Variants in FXN observed in about 807,000 individuals in gnomAD.
The protein encoded by FXN is frataxin, mitochondrial.
In FXN, 14 loss-of-function variants were observed where a neutral mutation model predicts 22.4. The ratio of observed to expected loss-of-function variants is 0.62; its 90% CI spans 0.41 to 0.98. The LOEUF is 0.98. Among genes scored for constraint, FXN ranks in the 50% least tolerant of loss-of-function variants. FXN has a pLI of 0.00. For synonymous variants in FXN, 120 were observed against 114.1 expected (o/e 1.05, Z -0.33); for missense variants, 267 against 268.4 (o/e 0.99, Z 0.04).
In FXN at chr9:69,078,816, C is replaced by G. The variant is rs1832416879; in HGVS notation, c.*6054C>G. On this transcript the variant is annotated 3_prime_UTR_variant, in exon 5 of 5. Transcript: ENST00000484259. ...CAGCCTTGCAAACTCCTCCTCCACT[C>G]AGCCTCTGCCTGGATGCCCTTGATT... 1 of 985,716 alleles carries G rather than the reference C, an allele frequency of 1.0e-6. No homozygotes were observed. Among genetic ancestry groups the G allele is most frequent in the South Asian group, 4.7e-5 (1 of 21,290 alleles). 61.1% of individuals were successfully genotyped at this position (985,716 alleles called of 1,614,324 possible).
At chr9:69,052,981 ACT>A (rs1425600446) in intron 2 of FXN, among the ~76,000 whole-genome samples, 157 bp from the exon 3 acceptor site, 3 of 144,142 alleles carry the variant, frequency 2.1e-5, no homozygotes, top group Non-Finnish European at 4.5e-5. Flanking sequence ...ACAGAGTGAG[ACT>A]CTGTCTCAAA....
intron 3 of FXN, among the ~76,000 whole-genome samples, chr9:69,064,354 T>A (rs1832129966): frequency 6.6e-6 from 1 of 152,236 alleles, no homozygotes; most frequent in Admixed American, 6.5e-5. Context: ...AGAAGCTTGT[T>A]AGATGCGTGG....
At chr9:69,042,881 C>T (rs1831683366) in intron 1 of FXN, among the ~76,000 whole-genome samples, 1 of 152,172 alleles carries the variant, frequency 6.6e-6, no homozygotes, top group Non-Finnish European at 1.5e-5. Context: ...CCACTGTGCA[C>T]AGACTCTGGG....
chr9:69,040,138 C>T (rs1831630108), intron 1 of FXN, among the ~76,000 whole-genome samples: 1 of 152,138 alleles, frequency 6.6e-6, no homozygotes, highest in Non-Finnish European at 1.5e-5. Context: ...AACATTCAAA[C>T]CATAGCATGC....
intron 1 of FXN, among the ~76,000 whole-genome samples, chr9:69,043,917 C>A (rs977320345): frequency 6.6e-6 from 1 of 152,040 alleles, no homozygotes; most frequent in Non-Finnish European, 1.5e-5. Context: ...GAAATGAGGT[C>A]TCTCTATGTT....
intron 1 of FXN, among the ~76,000 whole-genome samples, chr9:69,042,073 C>T (rs1307374265): frequency 6.6e-6 from 1 of 151,924 alleles, no homozygotes; most frequent in Non-Finnish European, 1.5e-5. Flanking sequence ...ACCTGTCTCT[C>T]CTAAAAACAC....
intron 1 of FXN, among the ~76,000 whole-genome samples, chr9:69,040,036 G>T (rs973318355): frequency 3.3e-5 from 5 of 152,160 alleles, no homozygotes; most frequent in African/African-American, 1.2e-4. Context: ...ATTGAGGGAA[G>T]AACCTTCATG....
At chr9:69,037,978 A>G (rs1179032487) in intron 1 of FXN, among the ~76,000 whole-genome samples, 1 of 152,174 alleles carries the variant, frequency 6.6e-6, no homozygotes, top group Non-Finnish European at 1.5e-5. Flanking sequence ...ATTTAGGAGA[A>G]TGACAAGAGG....
At chr9:69,069,966 C>T (rs1832244372) in intron 4 of FXN, among the ~76,000 whole-genome samples, 2 of 152,206 alleles carry the variant, frequency 1.3e-5, no homozygotes, top group South Asian at 4.1e-4. Flanking sequence ...CGGTAGCTCA[C>T]ACCTGTAATC....
chr9:69,065,072 C>A, intron 4 of FXN, 37 bp downstream of exon 4: 1 of 1,474,712 alleles, frequency 6.8e-7, no homozygotes, highest in Non-Finnish European at 9.5e-7. Flanking sequence ...ATATGTAATT[C>A]TTAAAGACTT....
intron 4 of FXN, among the ~76,000 whole-genome samples, chr9:69,071,416 C>A (rs982568435): frequency 1.3e-5 from 2 of 152,212 alleles, no homozygotes; most frequent in African/African-American, 4.8e-5. Context: ...CTTGAGTGCT[C>A]AGGCAGACTC....
At chr9:69,071,558 A>G (rs1421989468) in intron 4 of FXN, among the ~76,000 whole-genome samples, 1 of 152,198 alleles carries the variant, frequency 6.6e-6, no homozygotes, top group African/African-American at 2.4e-5. Context: ...CATCTGGTAT[A>G]AGAAGACATG....
intron 1 of FXN, among the ~76,000 whole-genome samples, chr9:69,037,284 A>AAAAAGAAGAAGAAGAAGAAGAAGAAG (rs544093183): frequency 3.6e-4 from 28 of 78,046 alleles, no homozygotes; most frequent in Admixed American, 4.4e-4. Flanking sequence ...AAAAAAAAAA[A>AAAAAGAAGAAGAAGAAGAAGAAGAAG]AAGAAGAAGA....
At chr9:69,037,421 G>A (rs932820989) in intron 1 of FXN, among the ~76,000 whole-genome samples, 4 of 151,814 alleles carry the variant, frequency 2.6e-5, no homozygotes, top group Non-Finnish European at 4.4e-5. Flanking sequence ...AGCCAAGATC[G>A]CCCAATGCAC....
At position 69,074,170 on chromosome 9, in the gene FXN, C is replaced by CA. The variant is rs1490176357; in HGVS notation, c.*1412dup. The stretch of plus-strand genomic sequence containing the variant: ...TTGCACTGTAACCTGGGTGACTGAG[C>CA]AAAACTCTGTCTCAAAATAATAATA... On this transcript the variant is annotated 3_prime_UTR_variant, in exon 5 of 5. Transcript: ENST00000484259. The CA allele has an allele frequency of 1.6e-5, 13 of 830,732 alleles. No individual in the cohort carries two copies. The highest frequency in any genetic ancestry group is 1.7e-5 in the Non-Finnish European group (12 of 690,496). The allele number at this position is 830,732 out of a possible 1,614,324, so 51.5% of individuals were successfully genotyped here.
rs993262489 is a variant in FXN at position 69,076,996 on chromosome 9, C to T, written c.*4234C>T. 12 of 752,334 alleles carry T rather than the reference C, an allele frequency of 1.6e-5. No homozygotes were observed. The African/African-American group carries it at 2.1e-4, about 13-fold the overall frequency. The allele number at this position is 752,334 out of a possible 1,614,324, so 46.6% of individuals were successfully genotyped here. ...GTGGCACGATCTGGGCTCACTACAA[C>T]CTCCGCCTCCTGGGTTCAAGCAATT... On this transcript the variant is annotated 3_prime_UTR_variant, in exon 5 of 5. Transcript: ENST00000484259.
chr9:69,039,553 C>T (rs1831618583), intron 1 of FXN, among the ~76,000 whole-genome samples: 1 of 152,134 alleles, frequency 6.6e-6, no homozygotes, highest in African/African-American at 2.4e-5. Flanking sequence ...TCTGATTCCA[C>T]GAGGCAGCCT....
At chr9:69,062,241 A>G (rs1832088201) in intron 3 of FXN, among the ~76,000 whole-genome samples, 1 of 152,142 alleles carries the variant, frequency 6.6e-6, no homozygotes, top group Non-Finnish European at 1.5e-5. Context: ...CCTACCAAGT[A>G]GATGTGACTA....
At chr9:69,047,432 A>G (rs1047696846) in intron 2 of FXN, among the ~76,000 whole-genome samples, 5 of 152,194 alleles carry the variant, frequency 3.3e-5, no homozygotes, top group African/African-American at 1.2e-4. Flanking sequence ...GAAAAGAGGC[A>G]CAGCACTAGC....
Sources: allele counts gnomAD v4.1 joint callset (sites outside exome capture counted in the v4.1 genomes callset), GRCh38; gene constraint gnomAD v4.1.1; transcripts MANE v1.5; gene names NCBI Gene and HGNC (gene_info 2026-07-23, HGNC 2026-07-21).